Variants in MNAT1 observed in about 807,000 individuals in gnomAD.
MNAT1 encodes the protein MNAT1 component of CDK activating kinase, also known as CDK-activating kinase assembly factor MAT1.
MNAT1 carries 43 observed loss-of-function variants against 42.0 expected under a neutral mutation model. The observed-to-expected ratio is 1.02, with a 90% confidence interval of 0.80 to 1.32. The LOEUF (loss-of-function observed/expected upper bound fraction) is 1.32. MNAT1 is among the 40% of genes most tolerant of loss of function. The pLI is 0.00. For synonymous variants in MNAT1, 118 were observed against 120.0 expected (o/e 0.98, Z 0.11); for missense variants, 306 against 350.4 (o/e 0.87, Z 1.01).
At chr14:60,824,784 G>A (rs2033002440) in intron 6 of MNAT1, among the ~76,000 whole-genome samples, 1 of 152,076 alleles carries the variant, frequency 6.6e-6, no homozygotes, top group Non-Finnish European at 1.5e-5. Context: ...GTAATAATTA[G>A]CAACCATAAT....
At chr14:60,755,658 G>A (rs1043322989) in intron 1 of MNAT1, among the ~76,000 whole-genome samples, 1 of 152,162 alleles carries the variant, frequency 6.6e-6, no homozygotes, top group African/African-American at 2.4e-5. Context: ...TTGTCCATAT[G>A]GGTAAATAAT....
intron 1 of MNAT1, among the ~76,000 whole-genome samples, chr14:60,788,818 C>G (rs952768483): frequency 6.6e-6 from 1 of 152,200 alleles, no homozygotes; most frequent in Non-Finnish European, 1.5e-5. Flanking sequence ...GTATTAGGAT[C>G]TGGATTAGGT....
intron 5 of MNAT1, among the ~76,000 whole-genome samples, 196 bp downstream of exon 5, chr14:60,812,323 A>G (rs971859705): frequency 6.6e-6 from 1 of 152,182 alleles, no homozygotes; most frequent in Non-Finnish European, 1.5e-5. Context: ...ACTGAACAAT[A>G]TGTTTTTATG....
chr14:60,791,819 T>G (rs1422715799), intron 1 of MNAT1, among the ~76,000 whole-genome samples: 1 of 152,182 alleles, frequency 6.6e-6, no homozygotes, highest in Admixed American at 6.5e-5. Context: ...GAAACCTTTT[T>G]AAGGTGAAGA....
At chr14:60,846,187 C>T (rs1039970864) in intron 6 of MNAT1, among the ~76,000 whole-genome samples, 2 of 151,412 alleles carry the variant, frequency 1.3e-5, no homozygotes, top group Non-Finnish European at 2.9e-5. Flanking sequence ...TTCCTTCATT[C>T]CTTGTCTTGA....
At chr14:60,735,473 T>TA in intron 1 of MNAT1, among the ~76,000 whole-genome samples, 1 of 152,308 alleles carries the variant, frequency 6.6e-6, no homozygotes, top group South Asian at 2.1e-4. Context: ...ACCCGGACTG[T>TA]AGGTAGTTAA....
intron 6 of MNAT1, among the ~76,000 whole-genome samples, chr14:60,878,973 C>T (rs2034491117): frequency 6.6e-6 from 1 of 151,886 alleles, no homozygotes; most frequent in Non-Finnish European, 1.5e-5. Flanking sequence ...GCTGAGATGT[C>T]TATGGTGTTG....
chr14:60,755,904 G>A (rs1393826228), intron 1 of MNAT1, among the ~76,000 whole-genome samples: 1 of 152,182 alleles, frequency 6.6e-6, no homozygotes, highest in Non-Finnish European at 1.5e-5. Context: ...TTACTCTGGG[G>A]TATAGAGATA....
chr14:60,968,429 G>C lies in MNAT1; in HGVS notation c.*80G>C. 6.4e-7 allele frequency: 1 copy of C among 1,553,346 alleles called. No individual in the cohort carries two copies. Among genetic ancestry groups the C allele is most frequent in the Non-Finnish European group, 8.7e-7 (1 of 1,152,494 alleles). On this transcript the variant is annotated 3_prime_UTR_variant, in exon 8 of 8. Transcript: ENST00000261245. ...CAGACTTATAAAATTATAGCTATGT[G>C]CAGCTGCACAACACAGTCCTTCCAC...
intron 7 of MNAT1, among the ~76,000 whole-genome samples, chr14:60,950,809 C>T (rs2036367452): frequency 6.6e-6 from 1 of 152,130 alleles, no homozygotes; most frequent in Admixed American, 6.5e-5. Flanking sequence ...TATTTGCCAG[C>T]TATTATCATG....
At chr14:60,804,536 A>AT (rs887663035) in intron 3 of MNAT1, among the ~76,000 whole-genome samples, 3 of 151,728 alleles carry the variant, frequency 2.0e-5, no homozygotes, top group African/African-American at 4.8e-5. Flanking sequence ...TTATTCATTT[A>AT]TTTTTTAGAG....
At chr14:60,840,040 A>G (rs1345573241) in intron 6 of MNAT1, among the ~76,000 whole-genome samples, 1 of 152,270 alleles carries the variant, frequency 6.6e-6, no homozygotes, top group Non-Finnish European at 1.5e-5. Context: ...CCAGCTGGAA[A>G]AGCGGCATCC....
At chr14:60,811,098 T>G (rs1594770671) in intron 4 of MNAT1, among the ~76,000 whole-genome samples, 1 of 152,228 alleles carries the variant, frequency 6.6e-6, no homozygotes, top group East Asian at 1.9e-4. Flanking sequence ...TTGTCTCTTT[T>G]GACAGTTTTT....
At chr14:60,849,127 G>T (rs2033755475) in intron 6 of MNAT1, among the ~76,000 whole-genome samples, 1 of 152,180 alleles carries the variant, frequency 6.6e-6, no homozygotes, top group African/African-American at 2.4e-5. Flanking sequence ...AACAGTGTTT[G>T]TTTTGGATAG....
intron 5 of MNAT1, among the ~76,000 whole-genome samples, chr14:60,815,008 GATTCTTCCCCTTATCAT>G (rs1393381235): frequency 6.6e-6 from 1 of 152,020 alleles, no homozygotes; most frequent in Non-Finnish European, 1.5e-5. Flanking sequence ...TTTATTGAAA[GATTCTTCCCCTTATCAT>G]TTTATACAAA....
At chr14:60,736,244 C>T (rs1330306813) in intron 1 of MNAT1, among the ~76,000 whole-genome samples, 1 of 151,268 alleles carries the variant, frequency 6.6e-6, no homozygotes, top group Non-Finnish European at 1.5e-5. Context: ...TTCAATTTCT[C>T]TCCATTTTTC....
At chr14:60,798,400 C>T (rs2032089754) in intron 3 of MNAT1, among the ~76,000 whole-genome samples, 1 of 152,134 alleles carries the variant, frequency 6.6e-6, no homozygotes, top group Non-Finnish European at 1.5e-5. Flanking sequence ...AGTAACACTT[C>T]ATAGCTGGGG....
intron 7 of MNAT1, among the ~76,000 whole-genome samples, chr14:60,965,645 T>C (rs1233007842): frequency 6.6e-6 from 1 of 152,260 alleles, no homozygotes; most frequent in Admixed American, 6.5e-5. Context: ...TGGTTTGTAT[T>C]ACAGCTATGA....
chr14:60,940,166 TG>T lies in MNAT1; in HGVS notation c.810-28060del, dbSNP rs747301021. Reference sequence around the variant, plus strand: ...GGGTTTCCTGAATACAGCACACTGATGGGTCTTGACTCTTTATCCAATTTGC... The same window carrying T: ...GGGTTTCCTGAATACAGCACACTGATGGTCTTGACTCTTTATCCAATTTGC... On this transcript the variant is annotated intron_variant, in intron 7 of 7. Transcript: ENST00000261245. Among the ~76,000 whole-genome samples the T allele has an allele frequency of 4.7e-4, 72 of 152,328 alleles. 1 individual carries two copies. Among genetic ancestry groups the T allele is most frequent in the Admixed American group, 1.3e-3 (20 of 15,306 alleles).
Sources: allele counts gnomAD v4.1 joint callset (sites outside exome capture counted in the v4.1 genomes callset), GRCh38; gene constraint gnomAD v4.1.1; transcripts MANE v1.5; gene names NCBI Gene and HGNC (gene_info 2026-07-23, HGNC 2026-07-21).